The following CBLB variants were observed in gnomAD, a reference collection of about 807,000 sequenced individuals.
CBLB encodes E3 ubiquitin-protein ligase CBL-B.
CBLB carries 31 observed loss-of-function variants against 104.9 expected under a neutral mutation model. That is an observed-to-expected ratio of 0.30 (90% CI 0.22 to 0.40). The LOEUF (loss-of-function observed/expected upper bound fraction) is 0.40. CBLB is among the 10% of genes least tolerant of loss of function. The pLI, the probability that CBLB is intolerant of heterozygous loss-of-function variation, is 1.00. For missense variants in CBLB, 1,062 were observed against 1,214.6 expected, an observed-to-expected ratio of 0.87 and a Z score of 1.87; for synonymous variants, 440 against 422.6, an observed-to-expected ratio of 1.04 and a Z score of -0.51.
rs1205637600 is a variant in CBLB at position 105,665,397 on chromosome 3, AT to A, written c.2689+4835del. On this transcript the variant is annotated intron_variant, in intron 18 of 18. Coordinates refer to ENST00000394030, the MANE Select transcript of CBLB (RefSeq NM_170662.5). ...CGAGACTCTGTCTCCAAAAAAATAA[AT>A]AAATAAATAAATAAATAAATATATA... 2.4e-4 allele frequency among the ~76,000 whole-genome samples: 24 copies of A among 100,274 alleles called. No individual in the cohort carries two copies. In the South Asian group the frequency reaches 6.8e-3, roughly 28 times the overall value. 65.8% of individuals were successfully genotyped at this position (100,274 alleles called of 152,430 possible).
At chr3:105,722,236 A>C (rs1251684568) in intron 9 of CBLB, among the ~76,000 whole-genome samples, 1 of 151,676 alleles carries the variant, frequency 6.6e-6, no homozygotes, top group Middle Eastern at 3.2e-3. Context: ...AAAGAAAAAA[A>C]GAAAGCAAGA....
intron 3 of CBLB, among the ~76,000 whole-genome samples, chr3:105,794,516 T>A (rs1054200289): frequency 1.1e-4 from 16 of 152,314 alleles, no homozygotes; most frequent in Middle Eastern, 3.4e-3. Context: ...TCAGAGATCA[T>A]TTATTAATTT....
At chr3:105,782,361 T>C (rs2080359115) in intron 3 of CBLB, among the ~76,000 whole-genome samples, 1 of 152,186 alleles carries the variant, frequency 6.6e-6, no homozygotes, top group South Asian at 2.1e-4. Context: ...ACTTGCTCCA[T>C]TTTACTTTTT....
intron 16 of CBLB, among the ~76,000 whole-genome samples, chr3:105,678,791 T>C (rs559544493): frequency 2.0e-5 from 3 of 152,274 alleles, no homozygotes; most frequent in South Asian, 4.1e-4. Context: ...CATACATACG[T>C]ACAAACACAC....
chr3:105,686,430 C>A (rs1312584662), intron 13 of CBLB, among the ~76,000 whole-genome samples: 1 of 150,254 alleles, frequency 6.7e-6, no homozygotes, highest in Non-Finnish European at 1.5e-5. Flanking sequence ...CATGAGAAAT[C>A]TGTTCAATTT....
intron 3 of CBLB, among the ~76,000 whole-genome samples, chr3:105,840,489 C>T (rs1004037814): frequency 5.3e-5 from 8 of 152,026 alleles, no homozygotes; most frequent in African/African-American, 1.9e-4. Flanking sequence ...ATAAAATGTG[C>T]TAATTGTTCA....
At position 105,660,278 on chromosome 3, in the gene CBLB, G is replaced by A. The variant is rs566562166; in HGVS notation, c.2690-1049C>T. ...CAGCTCACTGCAACCTCCACCTCCC[G>A]AGTTCAAGCAATTCTACTACCGCCT... On this transcript the variant is annotated intron_variant, in intron 18 of 18. Transcript: ENST00000394030. 1.1e-3 allele frequency among the ~76,000 whole-genome samples: 161 copies of A among 152,118 alleles called. 2 individuals carry two copies. The highest frequency in any genetic ancestry group is 3.3e-3 in the African/African-American group (138 of 41,504).
chr3:105,816,117 G>A (rs1459761158), intron 3 of CBLB, among the ~76,000 whole-genome samples: 1 of 152,018 alleles, frequency 6.6e-6, no homozygotes, highest in Non-Finnish European at 1.5e-5. Context: ...ATGGGTTGAT[G>A]GGTGCAGTTA....
At chr3:105,768,311 T>C (rs1312591822) in intron 4 of CBLB, among the ~76,000 whole-genome samples, 1 of 152,082 alleles carries the variant, frequency 6.6e-6, no homozygotes, top group African/African-American at 2.4e-5. Context: ...TGCCAGAGAT[T>C]ATAAAAATCT....
At chr3:105,857,004 C>G (rs905600813) in intron 2 of CBLB, among the ~76,000 whole-genome samples, 1 of 152,170 alleles carries the variant, frequency 6.6e-6, no homozygotes, top group Non-Finnish European at 1.5e-5. Flanking sequence ...CAACATTCTA[C>G]AGCAGGCATA....
At chr3:105,703,916 T>C in intron 11 of CBLB, 72 bp downstream of exon 11, 3 of 1,410,760 alleles carry the variant, frequency 2.1e-6, no homozygotes, top group Non-Finnish European at 2.0e-6. Context: ...AGTAATGGAA[T>C]TTAAAAGAAT....
At chr3:105,806,673 T>C (rs2083549878) in intron 3 of CBLB, among the ~76,000 whole-genome samples, 1 of 152,056 alleles carries the variant, frequency 6.6e-6, no homozygotes, top group Non-Finnish European at 1.5e-5. Context: ...TACTTTTAAT[T>C]TTTTTTCATT....
rs2069725139 is a variant in CBLB at position 105,704,289 on chromosome 3, G to A, written c.1408-116C>T. On this transcript the variant is annotated intron_variant, in intron 10 of 18. Transcript: ENST00000394030. Reference sequence around the variant, plus strand: ...TCTGGCACCATACATTTGTTAAAATGAATTCCCTTAGTTTACCCTGATTAA... The same window carrying A: ...TCTGGCACCATACATTTGTTAAAATAAATTCCCTTAGTTTACCCTGATTAA... The A allele has an allele frequency of 9.6e-6, 9 of 934,564 alleles. No individual in the cohort carries two copies. In the Admixed American group the frequency reaches 1.5e-4, roughly 16 times the overall value. The allele number at this position is 934,564 out of a possible 1,614,324, so 57.9% of individuals were successfully genotyped here.
intron 2 of CBLB, among the ~76,000 whole-genome samples, chr3:105,858,847 G>GAAA (rs2091854111): frequency 6.6e-6 from 1 of 152,074 alleles, no homozygotes; most frequent in African/African-American, 2.4e-5. Flanking sequence ...ACTGAGTTTT[G>GAAA]TATTTGCTTA....
chr3:105,780,648 G>GGTTTGTTT (rs2080084528), intron 3 of CBLB, among the ~76,000 whole-genome samples: 1 of 105,054 alleles, frequency 9.5e-6, no homozygotes, highest in African/African-American at 3.5e-5. Context: ...TACAATAAAA[G>GGTTTGTTT]TTTTGTTTTT....
chr3:105,693,703 G>T (rs2068004307), intron 12 of CBLB, 115 bp from the exon 13 acceptor site: 1 of 729,516 alleles, frequency 1.4e-6, no homozygotes, highest in Non-Finnish European at 2.5e-6. Context: ...TTAAATAAGT[G>T]AAATGTCATA....
At chr3:105,708,162 C>A (rs1033227068) in intron 10 of CBLB, among the ~76,000 whole-genome samples, 1 of 151,988 alleles carries the variant, frequency 6.6e-6, no homozygotes, top group Non-Finnish European at 1.5e-5. Flanking sequence ...AGTTCTAATC[C>A]CCAGCTCAAA....
intron 13 of CBLB, among the ~76,000 whole-genome samples, chr3:105,688,362 T>C (rs2067261931): frequency 6.6e-6 from 1 of 152,008 alleles, no homozygotes; most frequent in Admixed American, 6.6e-5. Context: ...AACCTGGACA[T>C]TTTATTAAAT....
At chr3:105,797,956 C>G (rs1221773000) in intron 3 of CBLB, among the ~76,000 whole-genome samples, 1 of 152,182 alleles carries the variant, frequency 6.6e-6, no homozygotes, top group South Asian at 2.1e-4. Context: ...CCCATTACAA[C>G]GGTAGAAGCA....
Sources: allele counts gnomAD v4.1 joint callset (sites outside exome capture counted in the v4.1 genomes callset), GRCh38; gene constraint gnomAD v4.1.1; transcripts MANE v1.5; gene names NCBI Gene and HGNC (gene_info 2026-07-23, HGNC 2026-07-21).